The following SHTN1 variants were observed in gnomAD, a reference collection of about 807,000 sequenced individuals.
The protein encoded by SHTN1 is shootin 1.
In SHTN1, 42 loss-of-function variants were observed where a neutral mutation model predicts 83.1. That is an observed-to-expected ratio of 0.51 (90% CI 0.39 to 0.65). The LOEUF is 0.65. Ranked by LOEUF, SHTN1 falls within the 30% of genes least tolerant of loss-of-function variation. The pLI is 0.00. For synonymous variants in SHTN1, 224 were observed against 247.7 expected (o/e 0.90, Z 0.90); for missense variants, 622 against 737.8 (o/e 0.84, Z 1.82).
chr10:116,889,743 T>C (rs1282106756), intron 16 of SHTN1, among the ~76,000 whole-genome samples: 2 of 152,184 alleles, frequency 1.3e-5, no homozygotes, highest in Non-Finnish European at 1.5e-5. Context: ...TACAGGCTAG[T>C]TTTTGGCATG....
intron 1 of SHTN1, among the ~76,000 whole-genome samples, chr10:117,110,095 T>C (rs1031578140): frequency 2.0e-5 from 3 of 152,156 alleles, no homozygotes; most frequent in African/African-American, 7.2e-5. Context: ...ATTTCTGTTC[T>C]CTATAACATC....
chr10:116,892,639 C>A (rs146305857), intron 16 of SHTN1, among the ~76,000 whole-genome samples: 245 of 152,212 alleles, frequency 1.6e-3, no homozygotes, highest in Middle Eastern at 6.8e-3. Context: ...GTTTTTCTTT[C>A]AATTTACTGT....
intron 1 of SHTN1, among the ~76,000 whole-genome samples, chr10:117,072,522 C>T (rs1169693819): frequency 6.6e-6 from 1 of 152,146 alleles, no homozygotes; most frequent in Admixed American, 6.6e-5. Context: ...GACCCATAGA[C>T]GGTTCACATC....
intron 1 of SHTN1, among the ~76,000 whole-genome samples, chr10:116,989,308 T>A (rs1265104905): frequency 1.3e-5 from 2 of 152,188 alleles, no homozygotes; most frequent in Non-Finnish European, 2.9e-5. Context: ...ACTTCCTTAG[T>A]TTTTACATAA....
At chr10:116,999,808 G>A (rs1322995323) in intron 1 of SHTN1, among the ~76,000 whole-genome samples, 1 of 152,164 alleles carries the variant, frequency 6.6e-6, no homozygotes, top group Non-Finnish European at 1.5e-5. Flanking sequence ...AGCTACTTGG[G>A]AGGCTGAGGC....
chr10:117,006,766 C>G (rs1450822914), upstream of SHTN1, among the ~76,000 whole-genome samples: 4 of 152,004 alleles, frequency 2.6e-5, no homozygotes, highest in Admixed American at 1.3e-4. Context: ...CAGTGCTGCT[C>G]ATTCCTCAAT....
chr10:116,991,529 C>T (rs527964496), intron 1 of SHTN1, among the ~76,000 whole-genome samples: 3 of 152,184 alleles, frequency 2.0e-5, no homozygotes, highest in South Asian at 4.2e-4. Context: ...AGGTGTTATG[C>T]ACTTTTCAAC....
chr10:116,901,076 G>A (rs1847714463), intron 16 of SHTN1: 1 of 985,372 alleles, frequency 1.0e-6, no homozygotes, highest in Non-Finnish European at 1.2e-6. Flanking sequence ...GATCTGATTT[G>A]TCTCACCTCT....
intron 1 of SHTN1, among the ~76,000 whole-genome samples, chr10:117,099,009 T>TACACACACACACACACACACACAC (rs371738555): frequency 7.1e-6 from 1 of 141,030 alleles, no homozygotes; most frequent in Non-Finnish European, 1.5e-5. Flanking sequence ...GTGGTATGTA[T>TACACACACACACACACACACACAC]ACACACACAC....
rs547407292 is a variant in SHTN1 at position 116,896,686 on chromosome 10, T to C, written c.1673+5079A>G. 7.4e-4 allele frequency among the ~76,000 whole-genome samples: 113 copies of C among 152,260 alleles called. 2 individuals carry two copies. The South Asian group carries it at 0.022, about 30-fold the overall frequency. Reference sequence around the variant, plus strand: ...AAATGAATTACTGACACTATTCTCTTAGAGGACCAGCAGAGCGGCTCCGAA... The same window carrying C: ...AAATGAATTACTGACACTATTCTCTCAGAGGACCAGCAGAGCGGCTCCGAA... On this transcript the variant is annotated intron_variant, in intron 16 of 16. Transcript: ENST00000355371.
chr10:117,005,005 G>T lies in SHTN1; in HGVS notation c.58+17C>A, dbSNP rs1313857769. Reference sequence around the variant, plus strand: ...CGGGCCGCGGCTGCCCACACCTGGCGCCCGCGTGCTGCCTACCTTGCTCCT... The same window carrying T: ...CGGGCCGCGGCTGCCCACACCTGGCTCCCGCGTGCTGCCTACCTTGCTCCT... On this transcript the variant is annotated intron_variant, in intron 1 of 16. Coordinates refer to ENST00000355371, the MANE Select transcript of SHTN1 (RefSeq NM_001127211.3). 6.3e-6 allele frequency: 10 copies of T among 1,583,516 alleles called. No individual in the cohort carries two copies. Among genetic ancestry groups the T allele is most frequent in the Non-Finnish European group, 8.6e-6 (10 of 1,165,102 alleles).
chr10:116,973,765 C>T (rs1850698639), intron 2 of SHTN1: 1 of 775,716 alleles, frequency 1.3e-6, no homozygotes, highest in African/African-American at 1.8e-5. Context: ...AATGCTACAC[C>T]ATTTTTCTTG....
intron 9 of SHTN1, among the ~76,000 whole-genome samples, chr10:116,937,709 G>A (rs1236466716): frequency 1.3e-5 from 2 of 152,092 alleles, no homozygotes; most frequent in African/African-American, 4.8e-5. Context: ...ATGTTGGCCT[G>A]TCTTGCTGGG....
At chr10:116,944,725 T>C (rs972621171) in intron 8 of SHTN1, among the ~76,000 whole-genome samples, 199 bp downstream of exon 8, 3 of 151,862 alleles carry the variant, frequency 2.0e-5, no homozygotes, top group Non-Finnish European at 4.4e-5. Context: ...ACCCCATCTC[T>C]AATAAAAATA....
intron 1 of SHTN1, among the ~76,000 whole-genome samples, chr10:117,049,341 G>T (rs781517317): frequency 1.3e-5 from 2 of 150,970 alleles, no homozygotes; most frequent in Non-Finnish European, 3.0e-5. Flanking sequence ...GAAAATGGCA[G>T]AACTTGTTGG....
chr10:117,001,114 A>G (rs1038642930), intron 1 of SHTN1, among the ~76,000 whole-genome samples: 4 of 152,270 alleles, frequency 2.6e-5, no homozygotes, highest in East Asian at 1.9e-4. Context: ...AATAGTATCC[A>G]AAGTTGCCAT....
intron 1 of SHTN1, among the ~76,000 whole-genome samples, chr10:117,072,779 T>C (rs1267311772): frequency 6.6e-6 from 1 of 151,992 alleles, no homozygotes; most frequent in African/African-American, 2.4e-5. Context: ...GAAAACCAAC[T>C]CTGGTAATAT....
intron 1 of SHTN1, among the ~76,000 whole-genome samples, chr10:116,999,620 A>T (rs1367231083): frequency 6.6e-6 from 1 of 152,220 alleles, no homozygotes; most frequent in African/African-American, 2.4e-5. Flanking sequence ...CATTTATTTT[A>T]AAAAAGGTTC....
chr10:117,109,553 CTTTTTTTTTTTTTTTTT>C (rs374713015), intron 1 of SHTN1, among the ~76,000 whole-genome samples: 3 of 42,954 alleles, frequency 7.0e-5, no homozygotes, highest in South Asian at 1.5e-3. Flanking sequence ...ACATATATTA[CTTTTTTTTTTTTTTTTT>C]TTTTTTTTTT....
Sources: gnomAD v4.1 joint callset for allele counts (sites outside exome capture counted in the v4.1 genomes callset) on GRCh38, gnomAD v4.1.1 for gene constraint, MANE v1.5 for transcripts, NCBI Gene and HGNC (gene_info 2026-07-23, HGNC 2026-07-21) for gene names.